Variants in PGM1 observed in about 807,000 individuals in gnomAD.
The protein encoded by PGM1 is phosphoglucomutase-1.
In PGM1, 52 loss-of-function variants were observed where a neutral mutation model predicts 55.6. The ratio of observed to expected loss-of-function variants is 0.94; its 90% CI spans 0.75 to 1.18. The LOEUF is 1.18. Among genes scored for constraint, PGM1 ranks in the 50% most tolerant of loss-of-function variants. The probability of loss-of-function intolerance (pLI) is 0.00; values close to 1 mark genes in which losing one functional copy is unlikely to be tolerated. For missense variants in PGM1, 724 were observed against 729.3 expected, an observed-to-expected ratio of 0.99 and a Z score of 0.08; for synonymous variants, 287 against 271.7, an observed-to-expected ratio of 1.06 and a Z score of -0.55.
intron 7 of PGM1, among the ~76,000 whole-genome samples, chr1:63,639,555 G>C (rs1176968266): frequency 6.6e-6 from 1 of 152,012 alleles, no homozygotes; most frequent in Non-Finnish European, 1.5e-5. Context: ...GTTCAGGTGT[G>C]TGGCCCTGTC....
chr1:63,629,187 C>G (rs1475970067), intron 1 of PGM1, among the ~76,000 whole-genome samples: 1 of 152,172 alleles, frequency 6.6e-6, no homozygotes, highest in African/African-American at 2.4e-5. Context: ...CCACACACTT[C>G]TAAAACTACA....
intron 1 of PGM1, among the ~76,000 whole-genome samples, chr1:63,596,297 C>T (rs1570466844): frequency 2.4e-5 from 3 of 127,218 alleles, no homozygotes; most frequent in Non-Finnish European, 3.1e-5. Flanking sequence ...CTTACTCTGT[C>T]GCCTAGGCTG....
chr1:63,623,682 A>T (rs1377477715), intron 1 of PGM1: 1 of 1,611,982 alleles, frequency 6.2e-7, no homozygotes. Context: ...AGGGATCATC[A>T]CTGGTGGTTG....
intron 9 of PGM1, among the ~76,000 whole-genome samples, chr1:63,653,460 C>A (rs996610621): frequency 2.0e-5 from 3 of 152,150 alleles, no homozygotes; most frequent in African/African-American, 4.8e-5. Context: ...CCATTAAACA[C>A]CAGATGGGGA....
At chr1:63,632,970 C>T (rs957695880) in intron 4 of PGM1, among the ~76,000 whole-genome samples, 3 of 152,216 alleles carry the variant, frequency 2.0e-5, no homozygotes, top group East Asian at 1.9e-4. Flanking sequence ...TTGTAGTGAG[C>T]GGAGATCACA....
chr1:63,632,784 A>G (rs1649231050), intron 4 of PGM1, among the ~76,000 whole-genome samples: 1 of 152,160 alleles, frequency 6.6e-6, no homozygotes, highest in South Asian at 2.1e-4. Flanking sequence ...AGGCCAAGGC[A>G]GGTGGATCAT....
chr1:63,598,470 G>A (rs1330752583), intron 1 of PGM1, among the ~76,000 whole-genome samples: 2 of 152,132 alleles, frequency 1.3e-5, no homozygotes, highest in African/African-American at 4.8e-5. Context: ...GAGTATAAAT[G>A]ATGTTTTGAG....
intron 7 of PGM1, among the ~76,000 whole-genome samples, chr1:63,647,590 T>C (rs1649690474): frequency 1.3e-5 from 2 of 151,712 alleles, no homozygotes; most frequent in Admixed American, 1.3e-4. Context: ...TTCGAATTTT[T>C]AGTTCAACTG....
At chr1:63,633,610 G>A (rs1167885877) in intron 4 of PGM1, among the ~76,000 whole-genome samples, 2 of 151,962 alleles carry the variant, frequency 1.3e-5, no homozygotes, top group Admixed American at 6.6e-5. Context: ...TATATAAAAT[G>A]TCACTGTAAA....
intron 1 of PGM1, among the ~76,000 whole-genome samples, chr1:63,613,824 C>A (rs1243772721): frequency 2.6e-5 from 4 of 151,558 alleles, no homozygotes; most frequent in African/African-American, 9.7e-5. Flanking sequence ...ATACTTTGCA[C>A]TTGGGCAGTA....
intron 7 of PGM1, among the ~76,000 whole-genome samples, chr1:63,647,892 GA>G (rs1286542423): frequency 7.9e-5 from 12 of 152,270 alleles, no homozygotes; most frequent in African/African-American, 2.6e-4. Flanking sequence ...CTTTATAACT[GA>G]TATATCAAAT....
At chr1:63,621,714 G>A (rs927078706) in intron 1 of PGM1, among the ~76,000 whole-genome samples, 3 of 152,116 alleles carry the variant, frequency 2.0e-5, no homozygotes, top group African/African-American at 4.8e-5. Flanking sequence ...AAAAGTAGTC[G>A]TCTTTTGGCT....
At chr1:63,643,750 T>A (rs1205689464) in intron 7 of PGM1, among the ~76,000 whole-genome samples, 1 of 152,150 alleles carries the variant, frequency 6.6e-6, no homozygotes, top group Non-Finnish European at 1.5e-5. Context: ...GTACAACTCA[T>A]AGTCTAGGAT....
chr1:63,633,914 GTGTGTA>G (rs1272156823), intron 4 of PGM1, among the ~76,000 whole-genome samples: 1 of 34,370 alleles, frequency 2.9e-5, no homozygotes, highest in Non-Finnish European at 4.5e-5. Flanking sequence ...GTGTGTGTGT[GTGTGTA>G]TATATATATA....
intron 3 of PGM1, among the ~76,000 whole-genome samples, chr1:63,631,150 A>G (rs899639572): frequency 2.0e-5 from 3 of 152,240 alleles, no homozygotes; most frequent in Non-Finnish European, 4.4e-5. Context: ...TTCCTTAAGC[A>G]GTACCTGTGA....
intron 1 of PGM1, among the ~76,000 whole-genome samples, chr1:63,613,474 C>T (rs890327291): frequency 6.6e-6 from 1 of 151,902 alleles, no homozygotes; most frequent in African/African-American, 2.4e-5. Flanking sequence ...TGGTGGCTAG[C>T]AATCCCTGGT....
At chr1:63,644,404 C>T (rs1649598336) in intron 7 of PGM1, among the ~76,000 whole-genome samples, 1 of 152,064 alleles carries the variant, frequency 6.6e-6, no homozygotes, top group African/African-American at 2.4e-5. Context: ...AAAATTAAAA[C>T]ATAATGAAAC....
intron 1 of PGM1, among the ~76,000 whole-genome samples, chr1:63,608,430 C>G (rs1206611752): frequency 6.6e-6 from 1 of 152,216 alleles, no homozygotes; most frequent in Non-Finnish European, 1.5e-5. Context: ...GTCCTGTCAG[C>G]TCTAAACCAT....
At chr1:63,628,952 T>C (rs926184309) in intron 1 of PGM1, among the ~76,000 whole-genome samples, 4 of 152,224 alleles carry the variant, frequency 2.6e-5, no homozygotes, top group African/African-American at 9.6e-5. Context: ...AATCTTGATA[T>C]AAAATTTGCC....
Sources: allele counts gnomAD v4.1 joint callset (sites outside exome capture counted in the v4.1 genomes callset), GRCh38; gene constraint gnomAD v4.1.1; transcripts MANE v1.5; gene names NCBI Gene and HGNC (gene_info 2026-07-23, HGNC 2026-07-21).